The following PCCB variants were observed in gnomAD, a reference collection of about 807,000 sequenced individuals.
PCCB encodes the protein propionyl-CoA carboxylase beta chain, mitochondrial.
A neutral mutation model predicts 60.7 loss-of-function variants in PCCB; 43 were observed. That is an observed-to-expected ratio of 0.71 (90% confidence interval 0.55 to 0.91). The LOEUF is 0.91. Ranked by LOEUF, PCCB falls within the 40% of genes least tolerant of loss-of-function variation. The pLI is 0.00. For missense variants in PCCB, 766 were observed against 702.8 expected, an observed-to-expected ratio of 1.09 and a Z score of -1.02; for synonymous variants, 276 against 255.9, an observed-to-expected ratio of 1.08 and a Z score of -0.75.
At chr3:136,299,251 T>C (rs948042119) in intron 8 of PCCB, among the ~76,000 whole-genome samples, 5 of 152,062 alleles carry the variant, frequency 3.3e-5, no homozygotes, top group African/African-American at 1.2e-4. Context: ...TATGTATACG[T>C]GTATGTGTAT....
rs1934357472 is a variant in PCCB at position 136,303,454 on chromosome 3, ACTTC to A, written c.966+2348_966+2351del. Among the ~76,000 whole-genome samples the A allele has an allele frequency of 3.3e-5, 4 of 122,062 alleles. 2 individuals are homozygous for A. The South Asian group carries it at 1.3e-3, about 39-fold the overall frequency. The allele number at this position is 122,062 out of a possible 152,430, so 80.1% of individuals were successfully genotyped here. ...ATCCTAGTAGATTTCTGAATACTAA[ACTTC>A]CTTCATTCCTGAAGTTGTATATTCT... On this transcript the variant is annotated intron_variant, in intron 9 of 14. Coordinates refer to ENST00000251654, the MANE Select transcript of PCCB (RefSeq NM_000532.5).
At chr3:136,293,686 G>C (rs1933803492) in intron 6 of PCCB, 70 bp from the exon 7 acceptor site, 2 of 948,748 alleles carry the variant, frequency 2.1e-6, no homozygotes, top group Non-Finnish European at 3.5e-6. Flanking sequence ...CATCTTGGCT[G>C]AATCAACTCT....
intron 6 of PCCB, among the ~76,000 whole-genome samples, chr3:136,290,590 G>GCT (rs1216288217): frequency 1.3e-5 from 2 of 148,946 alleles, no homozygotes; most frequent in Non-Finnish European, 3.0e-5. Context: ...AAACTCCTGG[G>GCT]CTCACATGGT....
In PCCB at chr3:136,256,594, A is replaced by G. The variant is rs1311981507; in HGVS notation, c.343A>G (p.Asn115Asp). The change falls in exon 3 of 15, where the codon AAT becomes GAT. Residue 115 changes from asparagine to aspartate, a missense_variant. Coordinates refer to ENST00000251654, the MANE Select transcript of PCCB (RefSeq NM_000532.5). ...DSVVTGRGRI[N>D]GRLVYVFSQD... ...CGTGGTCACTGGACGAGGCCGAATCAATGGAAGATTGGTTTATGTCTTCAG... is the reference window on the plus strand; with the variant it reads ...CGTGGTCACTGGACGAGGCCGAATCGATGGAAGATTGGTTTATGTCTTCAG... 6.2e-7 allele frequency: 1 copy of G among 1,613,264 alleles called. No homozygotes were observed. Among genetic ancestry groups the G allele is most frequent in the Non-Finnish European group, 8.5e-7 (1 of 1,179,202 alleles).
intron 1 of PCCB, chr3:136,255,570 G>C: frequency 2.2e-6 from 1 of 449,384 alleles, no homozygotes; most frequent in South Asian, 2.1e-5. Flanking sequence ...GTGTTCCAGG[G>C]TCAGGTTCTC....
chr3:136,274,929 G>C (rs370007663), intron 5 of PCCB, among the ~76,000 whole-genome samples: 1 of 151,152 alleles, frequency 6.6e-6, no homozygotes, highest in East Asian at 1.9e-4. Flanking sequence ...TCACACCTCT[G>C]CCTCCTGAGT....
intron 6 of PCCB, among the ~76,000 whole-genome samples, chr3:136,291,480 G>C (rs530041912): frequency 1.1e-4 from 16 of 152,270 alleles, no homozygotes; most frequent in Middle Eastern, 3.4e-3. Flanking sequence ...TAAGGAGCTG[G>C]GGAAGAGGAA....
chr3:136,268,379 C>T (rs1416941808), intron 5 of PCCB, among the ~76,000 whole-genome samples: 1 of 150,406 alleles, frequency 6.6e-6, no homozygotes, highest in East Asian at 2.0e-4. Flanking sequence ...TTCCATTGTT[C>T]TATGTCTGTC....
At chr3:136,314,133 A>G (rs1934783452) in intron 9 of PCCB, among the ~76,000 whole-genome samples, 1 of 152,180 alleles carries the variant, frequency 6.6e-6, no homozygotes, top group Admixed American at 6.5e-5. Context: ...CCAGAAAGTA[A>G]GATACTTCCA....
chr3:136,301,363 G>A (rs1934273318), intron 9 of PCCB, among the ~76,000 whole-genome samples: 1 of 152,096 alleles, frequency 6.6e-6, no homozygotes, highest in Non-Finnish European at 1.5e-5. Context: ...CAGAGCTCAG[G>A]AGTCTTTAGA....
At chr3:136,256,413 T>A in intron 2 of PCCB, 142 bp from the exon 3 acceptor site, 1 of 698,358 alleles carries the variant, frequency 1.4e-6, no homozygotes, top group Admixed American at 2.1e-5. Context: ...GAAAGTGGGG[T>A]GGGATTCCTT....
intron 10 of PCCB, among the ~76,000 whole-genome samples, chr3:136,324,680 T>C (rs910056489): frequency 6.6e-6 from 1 of 152,118 alleles, no homozygotes; most frequent in Non-Finnish European, 1.5e-5. Flanking sequence ...TACCTTACCA[T>C]GATTTAAAGA....
intron 14 of PCCB, 74 bp downstream of exon 14, chr3:136,328,931 C>G: frequency 8.2e-7 from 1 of 1,212,508 alleles, no homozygotes; most frequent in Non-Finnish European, 1.2e-6. Context: ...CAGAAATTGT[C>G]ACATAACTGC....
chr3:136,271,827 C>T (rs1942210786), intron 5 of PCCB, among the ~76,000 whole-genome samples: 1 of 152,162 alleles, frequency 6.6e-6, no homozygotes, highest in Non-Finnish European at 1.5e-5. Context: ...TTGACTTCCT[C>T]TTTTCCAATT....
intron 14 of PCCB, 84 bp from the exon 15 acceptor site, chr3:136,329,821 A>T (rs1001602629): frequency 2.1e-5 from 31 of 1,488,938 alleles, no homozygotes; most frequent in Admixed American, 6.7e-5. Context: ...GGCCCCAGGG[A>T]TGGTGCCCAG....
At chr3:136,317,198 T>G (rs1934930945) in intron 10 of PCCB, 134 bp downstream of exon 10, 1 of 724,162 alleles carries the variant, frequency 1.4e-6, no homozygotes. Context: ...TCTAAATGGT[T>G]GTTATAAAAG....
At chr3:136,258,336 G>C (rs187825521) in intron 3 of PCCB, among the ~76,000 whole-genome samples, 1 of 152,134 alleles carries the variant, frequency 6.6e-6, no homozygotes, top group Non-Finnish European at 1.5e-5. Context: ...GGCACAGAAC[G>C]GATGTAACTA....
At position 136,326,815 on chromosome 3, in the gene PCCB, T is replaced by C. The variant is rs746695672; in HGVS notation, c.1103T>C (p.Ile368Thr). 6.2e-7 allele frequency: 1 copy of C among 1,602,332 alleles called. No homozygotes were observed. The highest frequency in any genetic ancestry group is 1.1e-5 in the South Asian group (1 of 90,810). The change falls in exon 11 of 15, where the codon ATT becomes ACT. Residue 368 changes from isoleucine to threonine, a missense_variant. Physicochemically the swap from Ile to Thr is moderately conservative, Grantham distance 89. Transcript: ENST00000251654. Reference protein sequence around the residue: ...QPKVASGCLDINSSVKGARFV... With the variant: ...QPKVASGCLDTNSSVKGARFV... ...TCTCTCTTTCTAGGATGCTTGGATATTAATTCATCTGTGAAAGGGGCTCGT... is the reference window on the plus strand; with the variant it reads ...TCTCTCTTTCTAGGATGCTTGGATACTAATTCATCTGTGAAAGGGGCTCGT...
intron 1 of PCCB, among the ~76,000 whole-genome samples, chr3:136,253,687 T>C (rs1269327376): frequency 1.3e-5 from 2 of 148,958 alleles, no homozygotes; most frequent in African/African-American, 2.5e-5. Flanking sequence ...TTTTTTTTTC[T>C]TGAGACAGGG....
Sources: gnomAD v4.1 joint callset for allele counts (sites outside exome capture counted in the v4.1 genomes callset) on GRCh38, gnomAD v4.1.1 for gene constraint, MANE v1.5 for transcripts, NCBI Gene and HGNC (gene_info 2026-07-23, HGNC 2026-07-21) for gene names.